GOLGA4: variants seen among roughly 807,000 people sequenced by gnomAD.
GOLGA4 encodes the protein golgin A4.
Under a neutral mutation model 265.9 loss-of-function variants are expected in GOLGA4, and 169 were observed. That is an observed-to-expected ratio of 0.64 (90% CI 0.56 to 0.72). GOLGA4 has a LOEUF of 0.72. Among genes scored for constraint, GOLGA4 ranks in the 30% least tolerant of loss-of-function variants. GOLGA4 has a pLI of 0.00. For synonymous variants in GOLGA4, 923 were observed against 855.8 expected (o/e 1.08, Z -1.37); for missense variants, 2,482 against 2,483.4 (o/e 1.00, Z 0.01).
rs771068056 is a variant in GOLGA4 at position 37,315,546 on chromosome 3, G to C, written c.1361G>C (p.Ser454Thr). Reference sequence around the variant, plus strand: ...AAAACAAGTGAGGAGGAACGCATCAGTCTTCAACAGGAATTAAGTCGGGTG... The same window carrying C: ...AAAACAAGTGAGGAGGAACGCATCACTCTTCAACAGGAATTAAGTCGGGTG... ...IEKTSEEERI[S>T]LQQELSRVKQ... Residue 454 changes from serine (S) to threonine (T), a missense_variant, in exon 11 of 24, where the codon AGT becomes ACT. Around this residue, in one of 3 missense-constraint regions of GOLGA4, gnomAD observed 1,536 missense variants for 1,483.7 expected, o/e 1.04. Coordinates refer to ENST00000361924, the MANE Select transcript of GOLGA4 (RefSeq NM_002078.5). The C allele has an allele frequency of 2.5e-6, 4 of 1,613,952 alleles. No individual in the cohort carries two copies. The highest frequency in any genetic ancestry group is 3.3e-5 in the Admixed American group (2 of 60,018).
At chr3:37,314,642 AACACAC>A (rs60890140) in intron 10 of GOLGA4, among the ~76,000 whole-genome samples, 2,302 of 139,020 alleles carry the variant, frequency 0.017, 44 homozygotes, top group South Asian at 0.061. Context: ...CTCCGTCTCA[AACACAC>A]ACACACACAC....
chr3:37,337,233 G>C (rs1467032188), intron 18 of GOLGA4, 70 bp downstream of exon 18: 1 of 846,710 alleles, frequency 1.2e-6, no homozygotes, highest in Non-Finnish European at 1.9e-6. Context: ...TGTTGCCCAG[G>C]CTGTTGCCCA....
intron 20 of GOLGA4, among the ~76,000 whole-genome samples, chr3:37,346,328 C>T (rs980838238): frequency 1.3e-5 from 2 of 152,048 alleles, no homozygotes; most frequent in African/African-American, 4.8e-5. Context: ...CCAGTAGTAA[C>T]TGCTGTTATT....
chr3:37,365,548 A>G (rs146356539), intron 23 of GOLGA4, among the ~76,000 whole-genome samples: 2 of 152,238 alleles, frequency 1.3e-5, no homozygotes, highest in African/African-American at 4.8e-5. Context: ...GATTATAGGC[A>G]TGAGCCACTG....
Position 37,325,036 on chromosome 3 carries a change from A to G in GOLGA4, c.3150A>G (p.Lys1050=). 1 of 1,612,896 alleles carries G rather than the reference A, an allele frequency of 6.2e-7. No individual in the cohort carries two copies. Among genetic ancestry groups the G allele is most frequent in the South Asian group, 1.1e-5 (1 of 90,872 alleles). The change falls in exon 14 of 24, where the codon AAA becomes AAG. Residue 1050 remains lysine, a synonymous_variant. Coordinates refer to ENST00000361924, the MANE Select transcript of GOLGA4 (RefSeq NM_002078.5). ...LNDVISIWEK[K]LNQQAEELQE... ...ATGTCATATCAATCTGGGAAAAGAA[A>G]CTTAATCAGCAAGCTGAAGAACTTC...
At chr3:37,310,974 C>A (rs1426837399) in intron 10 of GOLGA4, among the ~76,000 whole-genome samples, 2 of 152,084 alleles carry the variant, frequency 1.3e-5, no homozygotes, top group Non-Finnish European at 2.9e-5. Flanking sequence ...GATAAATTGT[C>A]TAGACATTTT....
chr3:37,246,213 A>G (rs138919223), intron 1 of GOLGA4, among the ~76,000 whole-genome samples: 3 of 152,070 alleles, frequency 2.0e-5, no homozygotes, highest in African/African-American at 7.2e-5. Context: ...AGGCTGAGGC[A>G]GGAGAATTGC....
chr3:37,282,548 G>A (rs114837017), intron 3 of GOLGA4, among the ~76,000 whole-genome samples: 1,699 of 152,186 alleles, frequency 0.011, 38 homozygotes, highest in African/African-American at 0.037. Context: ...CTCTCCTTTC[G>A]TAGTCCCTCT....
intron 21 of GOLGA4, among the ~76,000 whole-genome samples, chr3:37,350,579 T>C (rs1217610624): frequency 1.3e-5 from 2 of 152,252 alleles, no homozygotes; most frequent in Admixed American, 1.3e-4. Context: ...CAGGTTATTA[T>C]TAAAAAGAAA....
intron 21 of GOLGA4, among the ~76,000 whole-genome samples, chr3:37,353,149 CAA>C (rs1465582382): frequency 2.0e-5 from 3 of 151,686 alleles, no homozygotes; most frequent in Admixed American, 6.6e-5. Flanking sequence ...TGTGGTGCCC[CAA>C]TACAGTGACC....
chr3:37,318,640 A>C (rs1211331388), intron 11 of GOLGA4, among the ~76,000 whole-genome samples: 1 of 152,078 alleles, frequency 6.6e-6, no homozygotes, highest in African/African-American at 2.4e-5. Flanking sequence ...TTCCTATCCA[A>C]AAAAAGAACA....
In GOLGA4 at chr3:37,326,535, A is replaced by G. The variant is rs1034995283; in HGVS notation, c.4649A>G (p.Asn1550Ser). ...GAGTCCTTAAATGAAGTTCTTAAAA[A>G]TTACAATCAACAAAAGGATATTGAA... Reference protein sequence around the residue: ...EIESLNEVLKNYNQQKDIEHK... With the variant: ...EIESLNEVLKSYNQQKDIEHK... The change falls in exon 14 of 24, where the codon AAT becomes AGT. Residue 1550 changes from asparagine (N) to serine (S), a missense_variant. Around this residue, in one of 3 missense-constraint regions of GOLGA4, gnomAD observed 942 missense variants for 983.1 expected, o/e 0.96. Coordinates refer to ENST00000361924, the MANE Select transcript of GOLGA4 (RefSeq NM_002078.5). 1.2e-6 allele frequency: 2 copies of G among 1,608,090 alleles called. No homozygotes were observed. Among genetic ancestry groups the G allele is most frequent in the Non-Finnish European group, 1.7e-6 (2 of 1,176,912 alleles).
intron 5 of GOLGA4, among the ~76,000 whole-genome samples, chr3:37,293,687 G>A (rs939434067): frequency 5.9e-5 from 9 of 152,316 alleles, no homozygotes; most frequent in Admixed American, 5.2e-4. Context: ...AGGGCTAGAA[G>A]GAATCAGTGA....
Position 37,347,202 on chromosome 3 carries a change from T to C in GOLGA4, c.6482T>C (p.Leu2161Ser). Residue 2161 changes from leucine to serine, a missense_variant, in exon 21 of 24, where the codon TTG becomes TCG. Physicochemically the swap from Leu to Ser is moderately radical, Grantham distance 145 (BLOSUM62 -2). Coordinates refer to ENST00000361924, the MANE Select transcript of GOLGA4 (RefSeq NM_002078.5). ...TTTTTTTATTTGGCAGGTGGCAATT[T>C]GTACCATACGGATGTCTCACTCTTT... ...TVGTPYKGGNLYHTDVSLFGE... is the reference protein window; with the variant it reads ...TVGTPYKGGNSYHTDVSLFGE... The C allele has an allele frequency of 2.5e-6, 4 of 1,608,254 alleles. No individual in the cohort carries two copies. Among genetic ancestry groups the C allele is most frequent in the Non-Finnish European group, 3.4e-6 (4 of 1,175,504 alleles).
intron 10 of GOLGA4, among the ~76,000 whole-genome samples, chr3:37,310,595 G>A (rs1388098164): frequency 6.6e-6 from 1 of 152,144 alleles, no homozygotes; most frequent in African/African-American, 2.4e-5. Flanking sequence ...CCATGGATGT[G>A]AGTGAACCTC....
At chr3:37,338,755 C>G (rs1476995022) in intron 19 of GOLGA4, among the ~76,000 whole-genome samples, 2 of 152,126 alleles carry the variant, frequency 1.3e-5, no homozygotes, top group Non-Finnish European at 2.9e-5. Context: ...ACCTCCTCCC[C>G]GTAACACCTA....
At chr3:37,258,152 G>A (rs893224424) in intron 2 of GOLGA4, among the ~76,000 whole-genome samples, 2 of 139,862 alleles carry the variant, frequency 1.4e-5, no homozygotes, top group African/African-American at 5.3e-5. Context: ...TATATGTTCT[G>A]TATATGTATG....
chr3:37,344,438 C>G (rs2097049406), intron 20 of GOLGA4, among the ~76,000 whole-genome samples: 1 of 151,418 alleles, frequency 6.6e-6, no homozygotes, highest in African/African-American at 2.4e-5. Flanking sequence ...TTTCTGCTAC[C>G]TCTAGTGTGT....
intron 2 of GOLGA4, among the ~76,000 whole-genome samples, chr3:37,273,875 G>A (rs942987076): frequency 6.6e-6 from 1 of 152,200 alleles, no homozygotes; most frequent in African/African-American, 2.4e-5. Context: ...GCTGAGGTGG[G>A]CGGATCGCTT....
Sources: allele counts gnomAD v4.1 joint callset (sites outside exome capture counted in the v4.1 genomes callset), GRCh38; gene constraint gnomAD v4.1.1; regional missense constraint gnomAD v4.1.1; transcripts MANE v1.5; gene names NCBI Gene and HGNC (gene_info 2026-07-23, HGNC 2026-07-21).